Variants in ABL2 observed in about 807,000 individuals in gnomAD.
ABL2 encodes the protein ABL proto-oncogene 2, non-receptor tyrosine kinase.
ABL2 carries 49 observed loss-of-function variants against 107.7 expected under a neutral mutation model. The ratio of observed to expected loss-of-function variants is 0.45; its 90% CI spans 0.36 to 0.58. ABL2 has a LOEUF of 0.58. ABL2 is among the 20% of genes least tolerant of loss of function. The pLI is 0.00. For synonymous variants in ABL2, 549 were observed against 548.6 expected, an observed-to-expected ratio of 1.00 and a Z score of -0.01; for missense variants, 1,245 against 1,457.0, an observed-to-expected ratio of 0.85 and a Z score of 2.37.
intron 1 of ABL2, among the ~76,000 whole-genome samples, chr1:179,186,062 T>A (rs1230613625): frequency 6.6e-6 from 1 of 151,912 alleles, no homozygotes; most frequent in African/African-American, 2.4e-5. Flanking sequence ...CTGGACAACA[T>A]GACGAAACCC....
chr1:179,229,144 C>T (rs958360625), intron 1 of ABL2, 97 bp downstream of exon 1: 5 of 1,353,736 alleles, frequency 3.7e-6, no homozygotes, highest in Non-Finnish European at 4.9e-6. Flanking sequence ...CACCTTCCAC[C>T]CTCCGACCCC....
intron 1 of ABL2, among the ~76,000 whole-genome samples, chr1:179,135,544 C>T (rs1368142944): frequency 1.3e-5 from 2 of 151,972 alleles, no homozygotes; most frequent in Admixed American, 6.5e-5. Context: ...GCAGCCACCC[C>T]GTCTGGGAAG....
chr1:179,114,190 G>T (rs1294040811), intron 9 of ABL2, among the ~76,000 whole-genome samples: 2 of 152,118 alleles, frequency 1.3e-5, no homozygotes, highest in African/African-American at 2.4e-5. Flanking sequence ...GGGGGACGGA[G>T]GTTGCAAAGA....
At chr1:179,187,679 A>C (rs190620175) in intron 1 of ABL2, among the ~76,000 whole-genome samples, 24 of 152,332 alleles carry the variant, frequency 1.6e-4, no homozygotes, top group Middle Eastern at 3.4e-3. Flanking sequence ...GTTCATTATG[A>C]ATTCATTTTT....
intron 1 of ABL2, among the ~76,000 whole-genome samples, chr1:179,159,949 A>G (rs953921403): frequency 6.6e-6 from 1 of 152,116 alleles, no homozygotes; most frequent in South Asian, 2.1e-4. Flanking sequence ...CCCTGTCTCT[A>G]TTAAAAATGC....
chr1:179,103,161 G>A lies in ABL2; in HGVS notation c.*4557C>T, dbSNP rs995145077. The A allele has an allele frequency of 6.1e-5, 13 of 214,512 alleles. No homozygotes were observed. Among genetic ancestry groups the A allele is most frequent in the Non-Finnish European group, 1.0e-4 (11 of 106,350 alleles). 13.3% of individuals were successfully genotyped at this position (214,512 alleles called of 1,614,324 possible). A position where few individuals can be genotyped will look rare whatever the true frequency, so the allele number is the denominator to read the frequency against. ...TACACATTCTTACTTTTTAAAGATC[G>A]GAATTAAACCAAAAAGTTGGTCCCT... On this transcript the variant is annotated 3_prime_UTR_variant, in exon 12 of 12. Coordinates refer to ENST00000502732, the MANE Select transcript of ABL2 (RefSeq NM_007314.4).
chr1:179,149,560 C>CA (rs1325453472), intron 1 of ABL2, among the ~76,000 whole-genome samples: 1 of 152,180 alleles, frequency 6.6e-6, no homozygotes, highest in Non-Finnish European at 1.5e-5. Flanking sequence ...TGTCTAGCTT[C>CA]AAAGGACAGG....
chr1:179,126,782 A>C lies in ABL2; in HGVS notation c.392-110T>G. 1.7e-6 allele frequency: 2 copies of C among 1,162,128 alleles called. No homozygotes were observed. The highest frequency in any genetic ancestry group is 2.3e-6 in the Non-Finnish European group (2 of 853,182). 72.0% of individuals were successfully genotyped at this position (1,162,128 alleles called of 1,614,324 possible). A position where few individuals can be genotyped will look rare whatever the true frequency, so the allele number is the denominator to read the frequency against. ...CATTAAAAAAAAAAAAGAATCTAGA[A>C]CTTTTATGCCAAATTTTTTTTTTAA... is the stretch of plus-strand genomic sequence containing the variant. On this transcript the variant is annotated intron_variant, in intron 3 of 11. Transcript: ENST00000502732. This position sits in a 1 kb window ranked among gnomAD's most constrained non-coding sequence, Gnocchi z 4.4.
intron 1 of ABL2, among the ~76,000 whole-genome samples, chr1:179,140,159 G>A (rs1304334603): frequency 6.6e-6 from 1 of 152,160 alleles, no homozygotes; most frequent in Non-Finnish European, 1.5e-5. Flanking sequence ...GCCCTGCAAG[G>A]TCCTTCACAA....
chr1:179,166,496 T>C (rs1002325175), intron 1 of ABL2, among the ~76,000 whole-genome samples: 2 of 151,802 alleles, frequency 1.3e-5, no homozygotes, highest in Non-Finnish European at 2.9e-5. Flanking sequence ...AAAATGTTCC[T>C]GGCAGGGCGC....
At chr1:179,121,460 C>G (rs1258229847) in intron 5 of ABL2, 135 bp downstream of exon 5, 2 of 1,170,460 alleles carry the variant, frequency 1.7e-6, no homozygotes, top group Non-Finnish European at 2.4e-6. Flanking sequence ...TAGGGTTAAT[C>G]ATCTCAATTT....
chr1:179,136,913 TCTC>T (rs1657082657), intron 1 of ABL2, among the ~76,000 whole-genome samples: 1 of 103,408 alleles, frequency 9.7e-6, no homozygotes. Context: ...TGAGACCCTG[TCTC>T]AAAAAAAAAA....
At position 179,108,543 on chromosome 1, in the gene ABL2, T is replaced by G; in HGVS notation, c.2724A>C (p.Gly908=). Reference sequence around the variant, plus strand: ...CTGGAGAAGGCCAGCCCGGCTGCTCTCCATCCTCTGGAACTCCAGCCATCC... The same window carrying G: ...CTGGAGAAGGCCAGCCCGGCTGCTCGCCATCCTCTGGAACTCCAGCCATCC... ...RLGMAGVPED[G]EQPGWPSPAK... is the part of the protein sequence containing the mutation. The change falls in exon 12 of 12, where the codon GGA becomes GGC. Residue 908 remains glycine, a synonymous_variant. Coordinates refer to ENST00000502732, the MANE Select transcript of ABL2 (RefSeq NM_007314.4). 1 of 1,614,144 alleles carries G rather than the reference T, an allele frequency of 6.2e-7. No homozygotes were observed.
chr1:179,179,172 T>C (rs1373541088), intron 1 of ABL2, among the ~76,000 whole-genome samples: 1 of 152,200 alleles, frequency 6.6e-6, no homozygotes, highest in Non-Finnish European at 1.5e-5. Context: ...GCTTATATAA[T>C]GTTGTCCAAT....
In ABL2 at chr1:179,110,332, A is replaced by C. The variant is rs1201897423; in HGVS notation, c.1775T>G (p.Ile592Ser). The change falls in exon 11 of 12, where the codon ATT becomes AGT. Residue 592 changes from isoleucine to serine, a missense_variant. Around this residue, in one of 3 missense-constraint regions of ABL2, gnomAD observed 761 missense variants for 766.4 expected, o/e 0.99. Coordinates refer to ENST00000502732, the MANE Select transcript of ABL2 (RefSeq NM_007314.4). ...LKKQVENKEN[I>S]EGAQDATENS... ...TTCTGTGGCATCTTGTGCCCCTTCA[A>C]TGTTCTCCTTGTTCTCCACCTGTTT... 6.2e-7 allele frequency: 1 copy of C among 1,614,208 alleles called. No individual in the cohort carries two copies. Among genetic ancestry groups the C allele is most frequent in the South Asian group, 1.1e-5 (1 of 91,084 alleles).
rs374695562 is a variant in ABL2, at chr1:179,174,920, A to AAAT, written c.158-41549_158-41547dup. ...CAAAAAAAAAAAAATAAAATAAAAA[A>AAAT]AATAATAATAATAATAATAATAATT... On this transcript the variant is annotated intron_variant, in intron 1 of 11. Coordinates refer to ENST00000502732, the MANE Select transcript of ABL2 (RefSeq NM_007314.4). 6.5e-3 allele frequency among the ~76,000 whole-genome samples: 796 copies of AAAT among 122,588 alleles called. 30 individuals carry two copies. The highest frequency in any genetic ancestry group is 0.02 in the Middle Eastern group (4 of 204). 80.4% of individuals were successfully genotyped at this position (122,588 alleles called of 152,430 possible). A position where few individuals can be genotyped will look rare whatever the true frequency, so the allele number is the denominator to read the frequency against.
At chr1:179,117,307 A>AT (rs1356610311) in intron 8 of ABL2, 25 bp downstream of exon 8, 2 of 1,606,456 alleles carry the variant, frequency 1.2e-6, no homozygotes, top group Non-Finnish European at 1.7e-6. Flanking sequence ...AAAATGACAC[A>AT]GAAAAAAGTC....
rs142747347 is a variant in ABL2 at position 179,198,479 on chromosome 1, G to C, written c.157+30762C>G. ...AGGCCAAGGTAGGTGGATCACCTGA[G>C]GCCAAGAGTTCGAGACCAGCCTGGC... On this transcript the variant is annotated intron_variant, in intron 1 of 11. Coordinates refer to ENST00000502732, the MANE Select transcript of ABL2 (RefSeq NM_007314.4). 4.9e-3 allele frequency among the ~76,000 whole-genome samples: 751 copies of C among 152,030 alleles called. 9 individuals are homozygous for C. The highest frequency in any genetic ancestry group is 0.017 in the African/African-American group (716 of 41,474).
chr1:179,152,542 G>T (rs1334185871), intron 1 of ABL2, among the ~76,000 whole-genome samples: 1 of 152,134 alleles, frequency 6.6e-6, no homozygotes, highest in Non-Finnish European at 1.5e-5. Context: ...AGATGACTGT[G>T]TGTGTGCATG....
Sources: allele counts gnomAD v4.1 joint callset (sites outside exome capture counted in the v4.1 genomes callset), GRCh38; gene constraint gnomAD v4.1.1; regional missense constraint gnomAD v4.1.1; non-coding constraint Gnocchi (gnomAD v3.1); transcripts MANE v1.5; gene names NCBI Gene and HGNC (gene_info 2026-07-23, HGNC 2026-07-21).